IGFL2: variants seen among roughly 807,000 people sequenced by gnomAD.
IGFL2 encodes IGF like family member 2, also known as insulin growth factor-like family member 2.
In IGFL2, 7 loss-of-function variants were observed where a neutral mutation model predicts 13.9. The observed-to-expected ratio is 0.51, with a 90% CI of 0.29 to 0.95. The LOEUF (loss-of-function observed/expected upper bound fraction) is 0.95. IGFL2 is among the 40% of genes least tolerant of loss of function. The pLI, the probability that IGFL2 is intolerant of heterozygous loss-of-function variation, is 0.08. For missense variants in IGFL2, 138 were observed against 147.8 expected (o/e 0.93, Z 0.34); for synonymous variants, 55 against 55.8 (o/e 0.99, Z 0.07).
chr19:46,145,204 C>T (rs1015640109), upstream of IGFL2, among the ~76,000 whole-genome samples: 51 of 151,994 alleles, frequency 3.4e-4, 1 homozygote, highest in African/African-American at 1.1e-3. Flanking sequence ...AAATGTTTTT[C>T]GGGGTTATAT....
chr19:46,170,885 GGA>G, the IGFL2 span, among the ~76,000 whole-genome samples: 1 of 152,106 alleles, frequency 6.6e-6, no homozygotes, highest in South Asian at 2.1e-4. Flanking sequence ...GTGCACGGCG[GGA>G]CATGAAACTT....
chr19:46,097,638 G>C, the IGFL2 span, among the ~76,000 whole-genome samples: 1 of 152,148 alleles, frequency 6.6e-6, no homozygotes, highest in Admixed American at 6.5e-5. Flanking sequence ...TTCTGATGTA[G>C]GGATTTAGTG....
the IGFL2 span, among the ~76,000 whole-genome samples, chr19:46,104,094 C>T: frequency 6.6e-6 from 1 of 152,096 alleles, no homozygotes; most frequent in South Asian, 2.1e-4. Context: ...CTGGAGTAGG[C>T]AAGAGAAGAT....
At chr19:46,186,423 G>A in the IGFL2 span, among the ~76,000 whole-genome samples, 7 of 152,254 alleles carry the variant, frequency 4.6e-5, no homozygotes, top group Non-Finnish European at 8.8e-5. Context: ...CCCTGGCAGC[G>A]GTGGCAGGCT....
the IGFL2 span, among the ~76,000 whole-genome samples, chr19:46,197,542 C>T: frequency 6.6e-6 from 1 of 152,144 alleles, no homozygotes; most frequent in African/African-American, 2.4e-5. Flanking sequence ...CCATCTCTGG[C>T]CTGCTCAGTG....
chr19:46,114,215 A>T, the IGFL2 span, among the ~76,000 whole-genome samples: 1 of 152,202 alleles, frequency 6.6e-6, no homozygotes, highest in South Asian at 2.1e-4. Flanking sequence ...GGAAAGCCAA[A>T]TACGTACCCT....
At chr19:46,212,052 A>G in the IGFL2 span, 1 of 150,630 alleles carries the variant, frequency 6.6e-6, no homozygotes, top group East Asian at 2.0e-4. Context: ...TTCTTAATCC[A>G]TTTTTTTTTT....
rs765142911 is a variant in IGFL2 at position 46,160,920 on chromosome 19, G to C, written c.341+39G>C. 2.5e-6 allele frequency: 4 copies of C among 1,608,508 alleles called. No individual in the cohort carries two copies. In the African/African-American group the frequency reaches 5.4e-5, roughly 22 times the overall value. ...CCCTGGCCAGGGGGTCGGGGGAAGGGAGGTGGAAATGAGGAGGGGAGTCTA... is the reference window on the plus strand; with the variant it reads ...CCCTGGCCAGGGGGTCGGGGGAAGGCAGGTGGAAATGAGGAGGGGAGTCTA... On this transcript the variant is annotated intron_variant, in intron 3 of 3. Coordinates refer to ENST00000377693, the MANE Select transcript of IGFL2 (RefSeq NM_001135113.2).
the IGFL2 span, chr19:46,137,018 A>G: frequency 6.3e-7 from 1 of 1,581,030 alleles, no homozygotes; most frequent in Non-Finnish European, 8.7e-7. Flanking sequence ...GACATCTTTC[A>G]ATGCAGTCAC....
the IGFL2 span, among the ~76,000 whole-genome samples, chr19:46,197,682 C>G: frequency 1.3e-5 from 2 of 152,158 alleles, no homozygotes; most frequent in Non-Finnish European, 1.5e-5. Flanking sequence ...CAGGTGTGCA[C>G]CACTGTGCCC....
At chr19:46,173,934 CAA>C in the IGFL2 span, 3 of 152,282 alleles carry the variant, frequency 2.0e-5, no homozygotes, top group Non-Finnish European at 4.4e-5. Context: ...GTGTTCTTAC[CAA>C]AACCCTGCAG....
the IGFL2 span, among the ~76,000 whole-genome samples, chr19:46,186,159 A>G: frequency 1.3e-5 from 2 of 152,092 alleles, no homozygotes; most frequent in African/African-American, 2.4e-5. Context: ...AAGACTCCCT[A>G]CTGGGGCCGG....
chr19:46,193,114 C>T, the IGFL2 span, among the ~76,000 whole-genome samples: 1 of 152,108 alleles, frequency 6.6e-6, no homozygotes, highest in African/African-American at 2.4e-5. Flanking sequence ...ATCACTTGAA[C>T]CCGAGAGGTG....
At chr19:46,123,942 C>G in the IGFL2 span, 3 of 1,611,456 alleles carry the variant, frequency 1.9e-6, no homozygotes, top group Non-Finnish European at 2.5e-6. Flanking sequence ...TACCCAGAAC[C>G]CTCAACTTCA....
upstream of IGFL2, among the ~76,000 whole-genome samples, chr19:46,144,953 A>G (rs756292829): frequency 7.9e-5 from 12 of 152,170 alleles, no homozygotes; most frequent in Non-Finnish European, 1.3e-4. Flanking sequence ...GGTGTATGTA[A>G]ATAGTTCCTT....
At chr19:46,148,574 C>T (rs573624511) in intron 1 of IGFL2, among the ~76,000 whole-genome samples, 48 of 152,290 alleles carry the variant, frequency 3.2e-4, no homozygotes, top group African/African-American at 1.1e-3. Flanking sequence ...TGAGCTGTTA[C>T]AGCAACCAAA....
At chr19:46,096,979 T>A in the IGFL2 span, among the ~76,000 whole-genome samples, 4 of 152,170 alleles carry the variant, frequency 2.6e-5, no homozygotes, top group Non-Finnish European at 4.4e-5. Context: ...GAAGTTTTAC[T>A]TTTTTGTTGT....
chr19:46,110,356 C>T, the IGFL2 span, among the ~76,000 whole-genome samples: 1 of 152,214 alleles, frequency 6.6e-6, no homozygotes, highest in Non-Finnish European at 1.5e-5. Context: ...TCTCTCTGGT[C>T]CTCCTGATTC....
chr19:46,118,472 C>G, the IGFL2 span, among the ~76,000 whole-genome samples: 3 of 152,190 alleles, frequency 2.0e-5, no homozygotes, highest in African/African-American at 7.2e-5. Context: ...CCCCTGGGCT[C>G]CACACTCCTA....
Sources: gnomAD v4.1 joint callset for allele counts (sites outside exome capture counted in the v4.1 genomes callset) on GRCh38, gnomAD v4.1.1 for gene constraint, MANE v1.5 for transcripts, NCBI Gene and HGNC (gene_info 2026-07-23, HGNC 2026-07-21) for gene names.